The following COL4A3 variants were observed in gnomAD, a reference collection of about 807,000 sequenced individuals.
COL4A3 encodes the protein collagen type IV alpha 3 chain.
Under a neutral mutation model 217.4 loss-of-function variants are expected in COL4A3, and 135 were observed. The observed-to-expected ratio is 0.62, with a 90% confidence interval of 0.54 to 0.72. The LOEUF (loss-of-function observed/expected upper bound fraction) is 0.72. COL4A3 is among the 30% of genes least tolerant of loss of function. COL4A3 has a pLI of 0.00. For missense variants in COL4A3, 1,868 were observed against 2,119.9 expected, an observed-to-expected ratio of 0.88 and a Z score of 2.33; for synonymous variants, 690 against 736.3, an observed-to-expected ratio of 0.94 and a Z score of 1.02.
At chr2:227,205,331 CAAAT>C (rs905435953) in intron 1 of COL4A3, among the ~76,000 whole-genome samples, 2 of 151,950 alleles carry the variant, frequency 1.3e-5, no homozygotes, top group African/African-American at 4.8e-5. Flanking sequence ...GATATTCTAT[CAAAT>C]AAAATAAATT....
chr2:227,312,163 T>A lies in COL4A3; in HGVS notation c.*293T>A. The A allele has an allele frequency of 2.8e-6, 1 of 362,842 alleles. No homozygotes were observed. The highest frequency in any genetic ancestry group is 9.5e-4 in the Middle Eastern group (1 of 1,054). 22.5% of individuals were successfully genotyped at this position (362,842 alleles called of 1,614,324 possible). A position where few individuals can be genotyped will look rare whatever the true frequency, so the allele number is the denominator to read the frequency against. ...TCCAAGGCACTGTCACTACGGTGAT[T>A]GTATGAAGTTTGAATGCTGCAAGTT... On this transcript the variant is annotated 3_prime_UTR_variant, in exon 52 of 52. Coordinates refer to ENST00000396578, the MANE Select transcript of COL4A3 (RefSeq NM_000091.5).
intron 1 of COL4A3, among the ~76,000 whole-genome samples, chr2:227,226,018 A>G (rs1441874003): frequency 1.3e-5 from 2 of 152,070 alleles, no homozygotes; most frequent in Admixed American, 6.6e-5. Context: ...AGCCAGGAAC[A>G]TATTTTATTC....
intron 9 of COL4A3, among the ~76,000 whole-genome samples, chr2:227,248,911 A>G (rs925841281): frequency 3.3e-5 from 5 of 151,986 alleles, no homozygotes; most frequent in African/African-American, 1.2e-4. Flanking sequence ...TAACAGCCCT[A>G]TTTTAAAATT....
Position 227,297,629 on chromosome 2 carries a change from A to C in COL4A3, c.3566-45A>C, listed in dbSNP as rs778091697. On this transcript the variant is annotated intron_variant, in intron 41 of 51. Transcript: ENST00000396578. ...AAAGATAGTCAAGAACTCTAACCCA[A>C]GCATATGGGCATTAAAGAAACTTAT... 9.0e-6 allele frequency: 14 copies of C among 1,563,554 alleles called. No individual in the cohort carries two copies. The East Asian group carries it at 1.4e-4, about 15-fold the overall frequency.
chr2:227,225,355 C>T (rs1017237330), intron 1 of COL4A3, among the ~76,000 whole-genome samples: 1 of 152,220 alleles, frequency 6.6e-6, no homozygotes. Context: ...ACTTGTGGCA[C>T]TGGTGGCAGC....
chr2:227,211,480 C>T (rs962901387), intron 1 of COL4A3, among the ~76,000 whole-genome samples: 3 of 152,162 alleles, frequency 2.0e-5, no homozygotes, highest in African/African-American at 7.2e-5. Context: ...AGGGTTTCTC[C>T]AGGGAATACA....
intron 27 of COL4A3, 77 bp from the exon 28 acceptor site, chr2:227,277,372 A>T: frequency 1.1e-6 from 1 of 912,982 alleles, no homozygotes; most frequent in Non-Finnish European, 1.8e-6. Flanking sequence ...CGACACAGAG[A>T]ACTTAGACAT....
chr2:227,179,576 G>T (rs1486638456), intron 1 of COL4A3, among the ~76,000 whole-genome samples: 1 of 152,150 alleles, frequency 6.6e-6, no homozygotes, highest in African/African-American at 2.4e-5. Flanking sequence ...AAACTAAAAA[G>T]TCAATAAAGA....
At chr2:227,287,443 A>AAG (rs1270754960) in intron 34 of COL4A3, among the ~76,000 whole-genome samples, 1 of 152,026 alleles carries the variant, frequency 6.6e-6, no homozygotes. Context: ...AAAAAAAAAA[A>AAG]TGTAAAACCC....
At chr2:227,186,589 G>A (rs972027059) in intron 1 of COL4A3, among the ~76,000 whole-genome samples, 1 of 152,200 alleles carries the variant, frequency 6.6e-6, no homozygotes, top group African/African-American at 2.4e-5. Context: ...GCCAACCTTG[G>A]AGGATGCTAA....
rs201024233 is a variant in COL4A3, at chr2:227,235,772, C to CTTTTTTTTTT, written c.88-2185_88-2176dup. 1.0e-3 allele frequency among the ~76,000 whole-genome samples: 128 copies of CTTTTTTTTTT among 122,406 alleles called. 1 individual carries two copies. Among genetic ancestry groups the CTTTTTTTTTT allele is most frequent in the African/African-American group, 3.9e-3 (121 of 31,220 alleles). 80.3% of individuals were successfully genotyped at this position (122,406 alleles called of 152,430 possible). On this transcript the variant is annotated intron_variant, in intron 1 of 51. Transcript: ENST00000396578. ...TGCTGCTAATGCCATTATTTCATTC[C>CTTTTTTTTTT]TTTTTTTTTTTTTTTTTTTTAATGG...
Position 227,270,751 on chromosome 2 carries a change from C to G in COL4A3, c.1576-19C>G. The G allele has an allele frequency of 1.2e-6, 2 of 1,609,916 alleles. No individual in the cohort carries two copies. Among genetic ancestry groups the G allele is most frequent in the Non-Finnish European group, 1.7e-6 (2 of 1,176,330 alleles). ...ATTCTAACAAAATACAATACAGATT[C>G]ATTTGTGTACTACCCTAGGGTTTCC... On this transcript the variant is annotated intron_variant, in intron 24 of 51. Transcript: ENST00000396578.
chr2:227,295,828 T>C (rs941136161), intron 41 of COL4A3, among the ~76,000 whole-genome samples: 1 of 152,194 alleles, frequency 6.6e-6, no homozygotes, highest in Non-Finnish European at 1.5e-5. Context: ...GAACATGTCA[T>C]TCAGAGTATT....
At chr2:227,169,479 A>G (rs1265986661) in intron 1 of COL4A3, among the ~76,000 whole-genome samples, 1 of 151,074 alleles carries the variant, frequency 6.6e-6, no homozygotes, top group East Asian at 2.0e-4. Flanking sequence ...GACTTCCACA[A>G]TGGTTGAACT....
At chr2:227,199,222 G>A (rs778404536) in intron 1 of COL4A3, among the ~76,000 whole-genome samples, 2 of 152,078 alleles carry the variant, frequency 1.3e-5, no homozygotes, top group African/African-American at 2.4e-5. Context: ...ACTTTCTTCC[G>A]GAGGATTTAC....
At chr2:227,205,773 A>G (rs1574567184) in intron 1 of COL4A3, among the ~76,000 whole-genome samples, 1 of 151,384 alleles carries the variant, frequency 6.6e-6, no homozygotes, top group East Asian at 1.9e-4. Flanking sequence ...AGCTTTAAAT[A>G]TTATTAAGAC....
rs72371878 is a variant in COL4A3, at chr2:227,282,275, AATATATAT to A, written c.2489-71_2489-64del. ...AGACAGAGGGAGATTCCATCTTAAA[AATATATAT>A]ATATATATATATATATATTTCTGAA... On this transcript the variant is annotated intron_variant, in intron 31 of 51. Coordinates refer to ENST00000396578, the MANE Select transcript of COL4A3 (RefSeq NM_000091.5). The surrounding 1 kb of genome is among the most constrained non-coding windows in gnomAD (Gnocchi z 4.4). The A allele has an allele frequency of 4.3e-3, 1,518 of 352,192 alleles. No individual in the cohort carries two copies. The highest frequency in any genetic ancestry group is 7.3e-3 in the East Asian group (83 of 11,364). 21.8% of individuals were successfully genotyped at this position (352,192 alleles called of 1,614,324 possible). A position where few individuals can be genotyped will look rare whatever the true frequency, so the allele number is the denominator to read the frequency against.
At chr2:227,209,189 G>C (rs1048094344) in intron 1 of COL4A3, among the ~76,000 whole-genome samples, 11 of 152,192 alleles carry the variant, frequency 7.2e-5, no homozygotes, top group Admixed American at 1.3e-4. Context: ...TACTTGAAAG[G>C]TCATCCCAGG....
intron 1 of COL4A3, among the ~76,000 whole-genome samples, chr2:227,176,583 C>G (rs767039062): frequency 2.6e-5 from 4 of 152,140 alleles, no homozygotes; most frequent in Non-Finnish European, 5.9e-5. Flanking sequence ...GATTGTCTCT[C>G]CAAACTGGTT....
Sources: gnomAD v4.1 joint callset for allele counts (sites outside exome capture counted in the v4.1 genomes callset) on GRCh38, gnomAD v4.1.1 for gene constraint, Gnocchi (gnomAD v3.1) non-coding constraint, MANE v1.5 for transcripts, NCBI Gene and HGNC (gene_info 2026-07-23, HGNC 2026-07-21) for gene names.